The following RORA variants were observed in gnomAD, a reference collection of about 807,000 sequenced individuals.
The protein encoded by RORA is nuclear receptor ROR-alpha.
Under a neutral mutation model 69.5 loss-of-function variants are expected in RORA, and 7 were observed. The observed-to-expected ratio is 0.10, with a 90% CI of 0.06 to 0.19. RORA has a LOEUF of 0.19. Ranked by LOEUF, RORA falls within the 10% of genes least tolerant of loss-of-function variation. The probability of loss-of-function intolerance (pLI) is 1.00; values close to 1 mark genes in which losing one functional copy is unlikely to be tolerated. For synonymous variants in RORA, 261 were observed against 240.8 expected, an observed-to-expected ratio of 1.08 and a Z score of -0.78; for missense variants, 457 against 663.0, an observed-to-expected ratio of 0.69 and a Z score of 3.41.
At chr15:60,819,746 G>GACAC (rs59044853) in intron 1 of RORA, among the ~76,000 whole-genome samples, 2,893 of 119,270 alleles carry the variant, frequency 0.024, 63 homozygotes, top group African/African-American at 0.049. Flanking sequence ...GTCAAACCCA[G>GACAC]ACACACACAC....
intron 1 of RORA, among the ~76,000 whole-genome samples, chr15:60,933,352 T>C (rs1892428519): frequency 1.3e-5 from 2 of 152,354 alleles, no homozygotes; most frequent in East Asian, 1.9e-4. Flanking sequence ...CTAAATGTAC[T>C]GTGCATTTCC....
chr15:61,149,781 C>T (rs1056988923), intron 1 of RORA, among the ~76,000 whole-genome samples: 3 of 152,190 alleles, frequency 2.0e-5, no homozygotes, highest in Non-Finnish European at 4.4e-5. Context: ...GGGCAGCTTT[C>T]AAAGCATCAA....
intron 1 of RORA, among the ~76,000 whole-genome samples, chr15:61,162,351 T>G (rs1447166131): frequency 6.6e-6 from 1 of 152,148 alleles, no homozygotes; most frequent in Non-Finnish European, 1.5e-5. Context: ...ACTAAAACAT[T>G]TTAAAAAGCA....
intron 2 of RORA, among the ~76,000 whole-genome samples, chr15:60,652,286 A>T (rs556419464): frequency 1.3e-5 from 2 of 152,198 alleles, no homozygotes; most frequent in Admixed American, 6.5e-5. Flanking sequence ...ATTATTAAAG[A>T]TAATTAAAAG....
chr15:60,777,118 C>T (rs1001447235), intron 1 of RORA, among the ~76,000 whole-genome samples: 3 of 152,180 alleles, frequency 2.0e-5, no homozygotes, highest in Non-Finnish European at 4.4e-5. Context: ...TACTCTAAAA[C>T]ACCAGGAGCC....
intron 1 of RORA, among the ~76,000 whole-genome samples, chr15:60,996,098 T>C (rs1330144022): frequency 6.7e-6 from 1 of 149,254 alleles, no homozygotes; most frequent in African/African-American, 2.5e-5. Context: ...TGAGATGGAG[T>C]CTCACTCTGT....
intron 2 of RORA, among the ~76,000 whole-genome samples, chr15:60,559,763 T>G (rs1377751817): frequency 6.6e-6 from 1 of 152,272 alleles, no homozygotes. Context: ...ACATTCAGTT[T>G]GAGAGTTTCT....
At chr15:61,060,383 C>G (rs1352819712) in intron 1 of RORA, among the ~76,000 whole-genome samples, 3 of 152,130 alleles carry the variant, frequency 2.0e-5, no homozygotes, top group African/African-American at 4.8e-5. Context: ...TTGCAGGAAC[C>G]CTTCTTCCAG....
At chr15:60,878,931 T>C (rs1595786638) in intron 1 of RORA, among the ~76,000 whole-genome samples, 1 of 152,334 alleles carries the variant, frequency 6.6e-6, no homozygotes. Flanking sequence ...TCCAGACCAA[T>C]GGTGGATCTG....
chr15:60,551,765 C>T (rs2067233268), intron 2 of RORA, among the ~76,000 whole-genome samples: 1 of 152,228 alleles, frequency 6.6e-6, no homozygotes, highest in Non-Finnish European at 1.5e-5. Flanking sequence ...AAACCCCTTT[C>T]TTTTCAGTCA....
At chr15:61,177,040 T>C (rs1270884461) in intron 1 of RORA, among the ~76,000 whole-genome samples, 2 of 152,186 alleles carry the variant, frequency 1.3e-5, no homozygotes, top group African/African-American at 2.4e-5. Flanking sequence ...CTTAAATGGA[T>C]ATCGATGATT....
intron 1 of RORA, among the ~76,000 whole-genome samples, chr15:61,166,920 C>T (rs1420555199): frequency 6.6e-6 from 1 of 152,212 alleles, no homozygotes; most frequent in African/African-American, 2.4e-5. Context: ...ATCCCCACAA[C>T]CTACTCACCA....
chr15:60,688,211 C>G (rs879663696), intron 1 of RORA, among the ~76,000 whole-genome samples: 1 of 148,832 alleles, frequency 6.7e-6, no homozygotes, highest in African/African-American at 2.5e-5. Context: ...TTATGAGAAA[C>G]AAAAAAATTC....
At chr15:60,947,908 G>C (rs922296203) in intron 1 of RORA, among the ~76,000 whole-genome samples, 2 of 152,148 alleles carry the variant, frequency 1.3e-5, no homozygotes, top group Non-Finnish European at 1.5e-5. Flanking sequence ...GCAGCTATTT[G>C]TGGGCATCAG....
chr15:61,216,972 G>A (rs2278507), intron 1 of RORA, among the ~76,000 whole-genome samples: 74,393 of 151,912 alleles, frequency 0.49, 20,905 homozygotes, highest in South Asian at 0.63. Context: ...ACTAGAGTAG[G>A]CCTGATCGTG....
chr15:60,846,445 T>C (rs2073266483), intron 1 of RORA, among the ~76,000 whole-genome samples: 1 of 152,166 alleles, frequency 6.6e-6, no homozygotes, highest in African/African-American at 2.4e-5. Flanking sequence ...AGAACACCCA[T>C]CTAGGAAGGA....
intron 1 of RORA, among the ~76,000 whole-genome samples, chr15:60,876,167 A>G (rs1040417061): frequency 2.6e-5 from 4 of 152,212 alleles, no homozygotes; most frequent in African/African-American, 9.6e-5. Context: ...TGTTCTTTCA[A>G]GGAACTTTAA....
chr15:60,859,651 C>CT (rs1208480913), intron 1 of RORA, among the ~76,000 whole-genome samples: 43,218 of 95,866 alleles, frequency 0.45, 10,253 homozygotes, highest in Middle Eastern at 0.58. Context: ...TTCTTTCTTT[C>CT]TTTCTTTTTT....
intron 1 of RORA, among the ~76,000 whole-genome samples, chr15:60,906,454 G>A (rs972354059): frequency 1.3e-5 from 2 of 152,164 alleles, no homozygotes; most frequent in Non-Finnish European, 2.9e-5. Context: ...TCTAAAGGTC[G>A]TGCCCACATC....
Sources: allele counts gnomAD v4.1 joint callset (sites outside exome capture counted in the v4.1 genomes callset), GRCh38; gene constraint gnomAD v4.1.1; transcripts MANE v1.5; gene names NCBI Gene and HGNC (gene_info 2026-07-23, HGNC 2026-07-21).